DCDC2: variants seen among roughly 807,000 people sequenced by gnomAD.
DCDC2 encodes the protein doublecortin domain containing 2, also known as doublecortin domain-containing protein 2.
Under a neutral mutation model 50.2 loss-of-function variants are expected in DCDC2, and 40 were observed. The ratio of observed to expected loss-of-function variants is 0.80; its 90% confidence interval spans 0.62 to 1.04. The LOEUF (loss-of-function observed/expected upper bound fraction) is 1.04. Among genes scored for constraint, DCDC2 ranks in the 50% least tolerant of loss-of-function variants. The probability of loss-of-function intolerance (pLI) is 0.00; values close to 1 mark genes in which losing one functional copy is unlikely to be tolerated. For missense variants in DCDC2, 570 were observed against 581.9 expected, an observed-to-expected ratio of 0.98 and a Z score of 0.21; for synonymous variants, 234 against 210.6, an observed-to-expected ratio of 1.11 and a Z score of -0.96.
chr6:24,244,708 C>G (rs1029171013), intron 7 of DCDC2, among the ~76,000 whole-genome samples: 5 of 152,322 alleles, frequency 3.3e-5, no homozygotes, highest in Admixed American at 6.5e-5. Flanking sequence ...TCAGCTCCCC[C>G]GGGGTGCCCA....
At chr6:24,212,798 C>A (rs185203861) in intron 7 of DCDC2, among the ~76,000 whole-genome samples, 1 of 152,152 alleles carries the variant, frequency 6.6e-6, no homozygotes, top group Non-Finnish European at 1.5e-5. Flanking sequence ...AATTATTTTT[C>A]ACTTATCCCT....
chr6:24,241,285 A>T (rs12190103), intron 7 of DCDC2, among the ~76,000 whole-genome samples: 18,407 of 152,230 alleles, frequency 0.12, 1,239 homozygotes, highest in African/African-American at 0.16. Context: ...TGAGTTTTAC[A>T]CTTTTACATT....
At chr6:24,359,968 C>G (rs988045078), upstream of DCDC2, among the ~76,000 whole-genome samples, 11 of 152,174 alleles carry the variant, frequency 7.2e-5, no homozygotes, top group Non-Finnish European at 1.2e-4. Flanking sequence ...CCTACCGACA[C>G]TCGCGTGCTG....
chr6:24,200,632 A>C (rs6914345), intron 8 of DCDC2, among the ~76,000 whole-genome samples: 131,995 of 152,144 alleles, frequency 0.87, 57,462 homozygotes, highest in African/African-American at 0.9. Context: ...ATGACAGGAT[A>C]AAATTCACAC....
At chr6:24,364,736 C>CAAAAAAAAAA in the DCDC2 span, among the ~76,000 whole-genome samples, 1 of 138,422 alleles carries the variant, frequency 7.2e-6, no homozygotes. Context: ...TTCAGATCAG[C>CAAAAAAAAAA]AAAAAAAAAA....
chr6:24,220,891 T>TGAGCGAGCGAGCGAGAGAGTGAGC lies in DCDC2; in HGVS notation c.923-15813_923-15790dup, dbSNP rs1561895567. Among the ~76,000 whole-genome samples, 812 of 98,954 alleles carry TGAGCGAGCGAGCGAGAGAGTGAGC rather than the reference T, an allele frequency of 8.2e-3. 10 individuals are homozygous for TGAGCGAGCGAGCGAGAGAGTGAGC. Among genetic ancestry groups the TGAGCGAGCGAGCGAGAGAGTGAGC allele is most frequent in the Middle Eastern group, 0.047 (9 of 192 alleles). The allele number at this position is 98,954 out of a possible 152,430, so 64.9% of individuals were successfully genotyped here. On this transcript the variant is annotated intron_variant, in intron 7 of 9. Transcript: ENST00000378454. ...GAGCAAGAGAGCGAGAGCGAGAGAG[T>TGAGCGAGCGAGCGAGAGAGTGAGC]GAGCGAGCGAGCGAGAGAGTGAGCG...
At chr6:24,261,996 C>T (rs1252151221) in intron 7 of DCDC2, among the ~76,000 whole-genome samples, 2 of 152,054 alleles carry the variant, frequency 1.3e-5, no homozygotes, top group East Asian at 1.9e-4. Context: ...GCTATCCACA[C>T]GAGAAAGCCC....
chr6:24,196,625 T>C (rs2113755026), intron 8 of DCDC2, among the ~76,000 whole-genome samples: 1 of 152,298 alleles, frequency 6.6e-6, no homozygotes, highest in South Asian at 2.1e-4. Flanking sequence ...TTTCACCGTG[T>C]TGGCCAGGCT....
intron 8 of DCDC2, among the ~76,000 whole-genome samples, chr6:24,194,045 C>T (rs946201986): frequency 6.6e-6 from 1 of 151,864 alleles, no homozygotes; most frequent in Non-Finnish European, 1.5e-5. Context: ...CTATGAGATG[C>T]CATCACTTGT....
intron 9 of DCDC2, among the ~76,000 whole-genome samples, chr6:24,176,140 A>G (rs934211295): frequency 6.6e-6 from 1 of 152,096 alleles, no homozygotes; most frequent in Non-Finnish European, 1.5e-5. Flanking sequence ...ATATTAAAAA[A>G]TATGTATATA....
In DCDC2 at chr6:24,278,184, C is replaced by A. The variant is rs1239977683; in HGVS notation, c.787G>T (p.Val263Phe). ...GGAGATGAGTTGTCACTGGATCCAACTGTTGACTTAGAGTGGCGATCATTT... is the reference window on the plus strand; with the variant it reads ...GGAGATGAGTTGTCACTGGATCCAAATGTTGACTTAGAGTGGCGATCATTT... ...SGNDRHSKST[V>F]GSSDNSSPQP... is the part of the protein sequence containing the mutation. The change falls in exon 7 of 10, where the codon GTT (valine) becomes TTT (phenylalanine). Residue 263 changes from valine (V) to phenylalanine (F), a missense_variant. Physicochemically the swap from Val to Phe is conservative, Grantham distance 50. Coordinates refer to ENST00000378454, the MANE Select transcript of DCDC2 (RefSeq NM_016356.5). 1.2e-5 allele frequency: 20 copies of A among 1,612,350 alleles called. No homozygotes were observed. The highest frequency in any genetic ancestry group is 1.7e-5 in the Admixed American group (1 of 59,674).
At chr6:24,183,254 A>C (rs1485266035) in intron 8 of DCDC2, among the ~76,000 whole-genome samples, 1 of 152,228 alleles carries the variant, frequency 6.6e-6, no homozygotes, top group African/African-American at 2.4e-5. Flanking sequence ...GTTTCATACC[A>C]CTGAACTGTA....
At chr6:24,374,796 A>G in the DCDC2 span, among the ~76,000 whole-genome samples, 1 of 152,200 alleles carries the variant, frequency 6.6e-6, no homozygotes, top group Non-Finnish European at 1.5e-5. Flanking sequence ...GCTCAGGGAC[A>G]GTGAGGAGGC....
At chr6:24,285,010 C>A (rs1029187756) in intron 6 of DCDC2, among the ~76,000 whole-genome samples, 1 of 152,128 alleles carries the variant, frequency 6.6e-6, no homozygotes, top group Middle Eastern at 3.2e-3. Flanking sequence ...TCTGTCTACT[C>A]CCATTCATCC....
chr6:24,178,031 T>C (rs1760964426), intron 9 of DCDC2, among the ~76,000 whole-genome samples: 1 of 152,212 alleles, frequency 6.6e-6, no homozygotes, highest in African/African-American at 2.4e-5. Flanking sequence ...TTATGTATGT[T>C]CTTAGAAGGC....
At chr6:24,318,223 T>C (rs956967640) in intron 2 of DCDC2, among the ~76,000 whole-genome samples, 4 of 152,088 alleles carry the variant, frequency 2.6e-5, no homozygotes, top group Non-Finnish European at 2.9e-5. Flanking sequence ...TAGTATTATT[T>C]ATAATTCCAA....
upstream of DCDC2, among the ~76,000 whole-genome samples, chr6:24,358,822 A>G (rs1760542612): frequency 1.7e-5 from 1 of 59,018 alleles, no homozygotes; most frequent in Admixed American, 3.1e-4. Flanking sequence ...ATAAATATAT[A>G]TATTATATTT....
the DCDC2 span, among the ~76,000 whole-genome samples, chr6:24,380,217 G>A: frequency 6.6e-6 from 1 of 152,204 alleles, no homozygotes; most frequent in South Asian, 2.1e-4. Context: ...ACCAAGGTTA[G>A]GATGTCAACA....
intron 7 of DCDC2, among the ~76,000 whole-genome samples, chr6:24,220,640 T>C (rs896536889): frequency 2.0e-5 from 3 of 152,208 alleles, no homozygotes; most frequent in Non-Finnish European, 1.5e-5. Context: ...TATCATATTA[T>C]GTATGGGTCA....
Sources: allele counts gnomAD v4.1 joint callset (sites outside exome capture counted in the v4.1 genomes callset), GRCh38; gene constraint gnomAD v4.1.1; transcripts MANE v1.5; gene names NCBI Gene and HGNC (gene_info 2026-07-23, HGNC 2026-07-21).